Variants in RALGAPA1 observed in about 807,000 individuals in gnomAD.
The protein encoded by RALGAPA1 is Ral GTPase activating protein catalytic subunit alpha 1.
Under a neutral mutation model 269.6 loss-of-function variants are expected in RALGAPA1, and 52 were observed. That is an observed-to-expected ratio of 0.19 (90% CI 0.15 to 0.24). The LOEUF is 0.24. RALGAPA1 is among the 10% of genes least tolerant of loss of function. The pLI is 1.00. For missense variants in RALGAPA1, 1,917 were observed against 3,013.9 expected, an observed-to-expected ratio of 0.64 and a Z score of 8.52; for synonymous variants, 817 against 1,008.3, an observed-to-expected ratio of 0.81 and a Z score of 3.60.
chr14:35,737,959 G>A (rs913739960), intron 12 of RALGAPA1, among the ~76,000 whole-genome samples: 8 of 150,270 alleles, frequency 5.3e-5, no homozygotes, highest in Admixed American at 6.7e-5. Flanking sequence ...ATAGTGGCAC[G>A]CGCCTGTAAT....
chr14:35,756,865 T>C lies in RALGAPA1; in HGVS notation c.591A>G (p.Gln197=), dbSNP rs759078533. The change falls in exon 7 of 42, where the codon CAA becomes CAG. Residue 197 remains glutamine (Q), a synonymous_variant. Transcript: ENST00000680220. ...GATCTTCTTGCCCTTTATCTCCTGA[T>C]TGTGGGGGGACAAGAGGAGTGATTT... ...IEEITPLVPP[Q]SGDKGQEDLT... is the part of the protein sequence containing the mutation. 9.3e-6 allele frequency: 15 copies of C among 1,611,378 alleles called. No individual in the cohort carries two copies. The highest frequency in any genetic ancestry group is 4.0e-5 in the African/African-American group (3 of 74,880).
At chr14:35,685,948 G>A (rs1044152551) in intron 19 of RALGAPA1, among the ~76,000 whole-genome samples, 1 of 151,962 alleles carries the variant, frequency 6.6e-6, no homozygotes, top group African/African-American at 2.4e-5. Context: ...CATTATTAGG[G>A]ATAAAAGAGC....
At chr14:35,599,509 G>T (rs1415112064) in intron 36 of RALGAPA1, among the ~76,000 whole-genome samples, 1 of 152,072 alleles carries the variant, frequency 6.6e-6, no homozygotes, top group South Asian at 2.1e-4. Flanking sequence ...CTTTGGGAGG[G>T]GGAGGTGGGA....
intron 37 of RALGAPA1, among the ~76,000 whole-genome samples, chr14:35,591,625 TTC>T (rs1303816114): frequency 1.3e-5 from 2 of 152,152 alleles, no homozygotes; most frequent in African/African-American, 4.8e-5. Context: ...CTGGAATAAT[TTC>T]TGTTTTATTT....
At position 35,725,172 on chromosome 14, in the gene RALGAPA1, A is replaced by G; in HGVS notation, c.1737-19T>C. ...CTGTTCCCTTAAAATAAAAAGACTGATTAATGTTTCCTTCTTGCATATGTT... is the reference window on the plus strand; with the variant it reads ...CTGTTCCCTTAAAATAAAAAGACTGGTTAATGTTTCCTTCTTGCATATGTT... On this transcript the variant is annotated intron_variant, in intron 13 of 41. Coordinates refer to ENST00000680220, the MANE Select transcript of RALGAPA1 (RefSeq NM_001346249.2). The G allele has an allele frequency of 1.3e-6, 2 of 1,513,546 alleles. No homozygotes were observed. Among genetic ancestry groups the G allele is most frequent in the Non-Finnish European group, 1.8e-6 (2 of 1,129,888 alleles). The allele number at this position is 1,513,546 out of a possible 1,614,324, so 93.8% of individuals were successfully genotyped here.
At position 35,671,505 on chromosome 14, in the gene RALGAPA1, T is replaced by C. The variant is rs755045831; in HGVS notation, c.5086A>G (p.Thr1696Ala). ...TGAGGTGAGCAGTGTTTGATGATTGTATTGACAATATCCTTAGAATAAGGA... is the reference window on the plus strand; with the variant it reads ...TGAGGTGAGCAGTGTTTGATGATTGCATTGACAATATCCTTAGAATAAGGA... Reference protein sequence around the residue: ...LLHIDQDIVNTIIKHCSPQFF... With the variant: ...LLHIDQDIVNAIIKHCSPQFF... The change falls in exon 26 of 42, where the codon ACA becomes GCA. Residue 1696 changes from threonine (T) to alanine (A), a missense_variant. Thr to Ala is a moderately conservative substitution (Grantham distance 58). This residue lies in a region of RALGAPA1 where 346 missense variants were observed against 566.1 expected (regional missense o/e 0.61). Coordinates refer to ENST00000680220, the MANE Select transcript of RALGAPA1 (RefSeq NM_001346249.2). 1.9e-6 allele frequency: 3 copies of C among 1,554,894 alleles called. No individual in the cohort carries two copies. Among genetic ancestry groups the C allele is most frequent in the South Asian group, 1.1e-5 (1 of 89,436 alleles).
At chr14:35,643,252 A>G (rs1039176408) in intron 31 of RALGAPA1, among the ~76,000 whole-genome samples, 10 of 152,208 alleles carry the variant, frequency 6.6e-5, no homozygotes, top group African/African-American at 1.7e-4. Context: ...TAATGGGTGC[A>G]GCACACTAAC....
intron 17 of RALGAPA1, among the ~76,000 whole-genome samples, 161 bp from the exon 18 acceptor site, chr14:35,690,164 T>C (rs2066355909): frequency 6.6e-6 from 1 of 151,724 alleles, no homozygotes; most frequent in African/African-American, 2.4e-5. Context: ...TTTAAAAAAA[T>C]GATGGGCACA....
chr14:35,565,805 T>G (rs1333289239), intron 39 of RALGAPA1, among the ~76,000 whole-genome samples: 1 of 152,110 alleles, frequency 6.6e-6, no homozygotes, highest in Non-Finnish European at 1.5e-5. Context: ...TATTTAACAT[T>G]TGTATATTCA....
At chr14:35,652,555 C>A (rs2062903866) in intron 30 of RALGAPA1, among the ~76,000 whole-genome samples, 2 of 152,114 alleles carry the variant, frequency 1.3e-5, no homozygotes, top group South Asian at 4.2e-4. Flanking sequence ...CAGGTGTGGG[C>A]CACCACGCCC....
intron 13 of RALGAPA1, among the ~76,000 whole-genome samples, chr14:35,727,948 G>A (rs1486043970): frequency 2.0e-5 from 3 of 152,172 alleles, no homozygotes; most frequent in East Asian, 1.9e-4. Context: ...ACTTCAGACA[G>A]GAAAAGTAGG....
intron 10 of RALGAPA1, among the ~76,000 whole-genome samples, chr14:35,746,918 G>A (rs2072167632): frequency 6.6e-6 from 1 of 151,338 alleles, no homozygotes; most frequent in African/African-American, 2.4e-5. Context: ...GGGGCTGGGG[G>A]GAAAAGATAG....
At chr14:35,763,940 A>G (rs1332184583) in intron 4 of RALGAPA1, among the ~76,000 whole-genome samples, 1 of 152,192 alleles carries the variant, frequency 6.6e-6, no homozygotes, top group Non-Finnish European at 1.5e-5. Flanking sequence ...CAAAACATTG[A>G]CAGATGCTCT....
chr14:35,700,390 G>A, intron 16 of RALGAPA1, 88 bp from the exon 17 acceptor site: 4 of 1,060,666 alleles, frequency 3.8e-6, no homozygotes, highest in Non-Finnish European at 5.0e-6. Context: ...AGCAGCAACA[G>A]AGAAAACTAA....
At chr14:35,618,575 T>C (rs1252829697) in intron 35 of RALGAPA1, among the ~76,000 whole-genome samples, 1 of 152,154 alleles carries the variant, frequency 6.6e-6, no homozygotes. Context: ...CCACTGTTAC[T>C]ATACTATTAA....
chr14:35,755,020 T>G (rs1197585972), intron 7 of RALGAPA1, among the ~76,000 whole-genome samples: 2 of 152,154 alleles, frequency 1.3e-5, no homozygotes, highest in Non-Finnish European at 2.9e-5. Flanking sequence ...TGTCTAAAGA[T>G]AAAATGGTGG....
Position 35,808,882 on chromosome 14 carries a change from C to T in RALGAPA1, c.-47G>A. 3.2e-6 allele frequency: 5 copies of T among 1,577,630 alleles called. No homozygotes were observed. Among genetic ancestry groups the T allele is most frequent in the Non-Finnish European group, 4.3e-6 (5 of 1,162,124 alleles). On this transcript the variant is annotated 5_prime_UTR_variant, in exon 1 of 42. Coordinates refer to ENST00000680220, the MANE Select transcript of RALGAPA1 (RefSeq NM_001346249.2). ...GCCACTGCCACAGCCGGCTCCCAGCCGGGTCCCGGCGGCAGAAAGTGGAGG... is the reference window on the plus strand; with the variant it reads ...GCCACTGCCACAGCCGGCTCCCAGCTGGGTCCCGGCGGCAGAAAGTGGAGG...
intron 16 of RALGAPA1, among the ~76,000 whole-genome samples, chr14:35,718,707 T>G (rs984835566): frequency 6.6e-6 from 1 of 151,972 alleles, no homozygotes; most frequent in Non-Finnish European, 1.5e-5. Flanking sequence ...TCCCAGCTAC[T>G]TGGGAGGCTG....
intron 33 of RALGAPA1, among the ~76,000 whole-genome samples, chr14:35,631,503 A>C (rs1022752233): frequency 6.6e-6 from 1 of 152,202 alleles, no homozygotes; most frequent in African/African-American, 2.4e-5. Context: ...TGATATAGAA[A>C]AAGATTTTTC....
Sources: gnomAD v4.1 joint callset for allele counts (sites outside exome capture counted in the v4.1 genomes callset) on GRCh38, gnomAD v4.1.1 for gene constraint, gnomAD v4.1.1 regional missense constraint, MANE v1.5 for transcripts, NCBI Gene and HGNC (gene_info 2026-07-23, HGNC 2026-07-21) for gene names.